The following MGAM2 variants were observed in gnomAD, a reference collection of about 807,000 sequenced individuals.
MGAM2 encodes the protein maltase-glucoamylase 2 (putative).
Under a neutral mutation model 96.1 loss-of-function variants are expected in MGAM2, and 98 were observed. The ratio of observed to expected loss-of-function variants is 1.02; its 90% CI spans 0.87 to 1.21. The LOEUF is 1.21. Among genes scored for constraint, MGAM2 ranks in the 50% most tolerant of loss-of-function variants. MGAM2 has a pLI of 0.00. For missense variants in MGAM2, 2,055 were observed against 1,182.4 expected (o/e 1.74, Z -10.82); for synonymous variants, 749 against 414.8 (o/e 1.81, Z -9.79).
rs921757611 is a variant in MGAM2 at position 142,146,894 on chromosome 7, A to C, written c.1517-562A>C. Among the ~76,000 whole-genome samples, 4 of 151,904 alleles carry C rather than the reference A, an allele frequency of 2.6e-5. 1 individual carries two copies. Among genetic ancestry groups the C allele is most frequent in the South Asian group, 2.1e-4 (1 of 4,820 alleles). On this transcript the variant is annotated intron_variant, in intron 14 of 47. Transcript: ENST00000477922. ...AGGCGCACACCACCATGCCTGGCTAATTTTTGTAATTTTAGTAAAGACGGG... is the reference window on the plus strand; with the variant it reads ...AGGCGCACACCACCATGCCTGGCTACTTTTTGTAATTTTAGTAAAGACGGG...
Position 142,171,633 on chromosome 7 carries a change from T to TATATTTCCCTCTGTCAGTTATGG in MGAM2, c.3351+197_3351+198insTTCCCTCTGTCAGTTATGGATAT, listed in dbSNP as rs1563274195. Among the ~76,000 whole-genome samples, 220 of 85,096 alleles carry TATATTTCCCTCTGTCAGTTATGG rather than the reference T, an allele frequency of 2.6e-3. 16 individuals carry two copies. The highest frequency in any genetic ancestry group is 0.01 in the African/African-American group (210 of 20,692). The allele number at this position is 85,096 out of a possible 152,430, so 55.8% of individuals were successfully genotyped here. A position where few individuals can be genotyped will look rare whatever the true frequency, so the allele number is the denominator to read the frequency against. ...ATATATATATATATATATATATATA[T>TATATTTCCCTCTGTCAGTTATGG]ATATATATATATATATATATATCCA... On this transcript the variant is annotated intron_variant, in intron 28 of 47. Transcript: ENST00000477922.
intron 23 of MGAM2, among the ~76,000 whole-genome samples, chr7:142,162,980 C>T (rs796117526): frequency 7.9e-5 from 12 of 152,142 alleles, no homozygotes; most frequent in East Asian, 7.8e-4. Flanking sequence ...AACCAATCAT[C>T]TGTTCGCCAT....
intron 3 of MGAM2, among the ~76,000 whole-genome samples, chr7:142,123,114 G>C (rs114377843): frequency 0.037 from 5,552 of 151,760 alleles, 120 homozygotes; most frequent in Middle Eastern, 0.099. Flanking sequence ...GAGCCACCGC[G>C]CCCGACCTCA....
At chr7:142,164,188 C>G (rs553711966) in intron 23 of MGAM2, among the ~76,000 whole-genome samples, 2 of 152,308 alleles carry the variant, frequency 1.3e-5, no homozygotes, top group South Asian at 4.1e-4. Context: ...TATGCGACTT[C>G]TAATTTTTTA....
At chr7:142,152,920 T>C (rs1795623071) in intron 15 of MGAM2, among the ~76,000 whole-genome samples, 1 of 152,012 alleles carries the variant, frequency 6.6e-6, no homozygotes, top group Non-Finnish European at 1.5e-5. Context: ...GTCACCCCAC[T>C]GTATGTTCAT....
Position 142,221,531 on chromosome 7 carries a change from C to T in MGAM2, c.7020C>T (p.Thr2340=). Reference sequence around the variant, plus strand: ...TTACTACCCCTACAAATGCAAACACCATTATTTTCAACACTCTTGATACAA... The same window carrying T: ...TTACTACCCCTACAAATGCAAACACTATTATTTTCAACACTCTTGATACAA... ...TNFTTPTNAN[T]IIFNTLDTKS... is the part of the protein sequence containing the mutation. The change falls in exon 48 of 48, where the codon ACC becomes ACT. Residue 2340 remains threonine (T), a synonymous_variant. Transcript: ENST00000477922. 1 of 542,308 alleles carries T rather than the reference C, an allele frequency of 1.8e-6. No individual in the cohort carries two copies. Among genetic ancestry groups the T allele is most frequent in the Non-Finnish European group, 3.2e-6 (1 of 309,852 alleles). The allele number at this position is 542,308 out of a possible 1,614,324, so 33.6% of individuals were successfully genotyped here.
chr7:142,131,120 G>A, intron 4 of MGAM2, 49 bp downstream of exon 4: 1 of 687,938 alleles, frequency 1.5e-6, no homozygotes, highest in Non-Finnish European at 2.7e-6. Context: ...TTATGGCCCA[G>A]ATACGTTAAC....
rs72092512 is a variant in MGAM2 at position 142,201,071 on chromosome 7, C to CTTTTTTTTTTTT, written c.5137+1113_5137+1114insTTTTTTTTTTTT. On this transcript the variant is annotated intron_variant, in intron 45 of 47. Coordinates refer to ENST00000477922, the MANE Select transcript of MGAM2 (RefSeq NM_001293626.2). ...CATTGTTATAAATAACATCCTTTTT[C>CTTTTTTTTTTTT]TTTTTTTTTTCTTTTTTTTTTTTTT... 8.4e-4 allele frequency among the ~76,000 whole-genome samples: 71 copies of CTTTTTTTTTTTT among 84,344 alleles called. 11 individuals are homozygous for CTTTTTTTTTTTT. Among genetic ancestry groups the CTTTTTTTTTTTT allele is most frequent in the Admixed American group, 1.0e-3 (6 of 5,994 alleles). 55.3% of individuals were successfully genotyped at this position (84,344 alleles called of 152,430 possible).
chr7:142,131,883 A>T, intron 5 of MGAM2, 48 bp from the exon 6 acceptor site: 1 of 674,602 alleles, frequency 1.5e-6, no homozygotes, highest in Admixed American at 2.2e-5. Flanking sequence ...TCTGTCTACA[A>T]GGAAGTGGTC....
chr7:142,178,654 G>C (rs1324464212), intron 32 of MGAM2, among the ~76,000 whole-genome samples: 1 of 152,046 alleles, frequency 6.6e-6, no homozygotes, highest in African/African-American at 2.4e-5. Flanking sequence ...CTGAAGATCA[G>C]ATAATAATTG....
At chr7:142,190,564 G>C (rs56026542) in intron 37 of MGAM2, among the ~76,000 whole-genome samples, 17 of 151,984 alleles carry the variant, frequency 1.1e-4, no homozygotes, top group Non-Finnish European at 7.4e-5. Context: ...ATGAGCCATC[G>C]CACCCAGCCT....
At chr7:142,117,396 A>G (rs187823060) in intron 2 of MGAM2, among the ~76,000 whole-genome samples, 78 of 152,312 alleles carry the variant, frequency 5.1e-4, no homozygotes, top group Admixed American at 1.8e-3. Flanking sequence ...ACCAACATAC[A>G]TAGCTATAGT....
intron 44 of MGAM2, 57 bp from the exon 45 acceptor site, chr7:142,199,823 T>G (rs1347569463): frequency 4.7e-6 from 3 of 644,944 alleles, no homozygotes; most frequent in Admixed American, 2.5e-5. Context: ...CAGTCTGTTC[T>G]TTATTCTTAC....
intron 34 of MGAM2, 72 bp from the exon 35 acceptor site, chr7:142,185,917 T>C (rs1323183273): frequency 1.5e-6 from 1 of 662,410 alleles, no homozygotes; most frequent in Admixed American, 2.2e-5. Flanking sequence ...CACAAATTCC[T>C]GTTCATCTCC....
chr7:142,142,669 C>T (rs1368709299), intron 12 of MGAM2, among the ~76,000 whole-genome samples: 1 of 151,724 alleles, frequency 6.6e-6, no homozygotes, highest in East Asian at 1.9e-4. Context: ...CCTGCCTTAG[C>T]CTCCCAGGTA....
intron 13 of MGAM2, among the ~76,000 whole-genome samples, chr7:142,144,288 A>G (rs987844418): frequency 6.6e-6 from 1 of 152,224 alleles, no homozygotes; most frequent in Non-Finnish European, 1.5e-5. Context: ...TTCTTCAACA[A>G]ATGTTCTCTG....
Position 142,171,087 on chromosome 7 carries a change from T to C in MGAM2, c.3183-185T>C, listed in dbSNP as rs915029393. On this transcript the variant is annotated intron_variant, in intron 27 of 47. Coordinates refer to ENST00000477922, the MANE Select transcript of MGAM2 (RefSeq NM_001293626.2). ...TCTGACAAACCACAGAACAGAAATC[T>C]AACATGGAACTTTGGTCCTGAGTCA... is the stretch of plus-strand genomic sequence containing the variant. 4 of 635,010 alleles carry C rather than the reference T, an allele frequency of 6.3e-6. No individual in the cohort carries two copies. In the East Asian group the frequency reaches 8.5e-5, roughly 14 times the overall value. The allele number at this position is 635,010 out of a possible 1,614,324, so 39.3% of individuals were successfully genotyped here.
chr7:142,185,252 G>A (rs771000147), intron 34 of MGAM2, 113 bp downstream of exon 34: 2 of 578,912 alleles, frequency 3.5e-6, no homozygotes, highest in Non-Finnish European at 6.2e-6. Flanking sequence ...TAACTTGAGG[G>A]TGCTTATCCA....
At chr7:142,151,951 A>G (rs73158443) in intron 15 of MGAM2, among the ~76,000 whole-genome samples, 11,508 of 152,272 alleles carry the variant, frequency 0.076, 496 homozygotes, top group Admixed American at 0.12. Context: ...AATTGGTCTG[A>G]TAAATATTTG....
Sources: gnomAD v4.1 joint callset for allele counts (sites outside exome capture counted in the v4.1 genomes callset) on GRCh38, gnomAD v4.1.1 for gene constraint, MANE v1.5 for transcripts, NCBI Gene and HGNC (gene_info 2026-07-23, HGNC 2026-07-21) for gene names.